Variants in PIAS1 observed in about 807,000 individuals in gnomAD.
PIAS1 encodes the protein E3 SUMO-protein ligase PIAS1.
In PIAS1, 6 loss-of-function variants were observed where a neutral mutation model predicts 71.3. The ratio of observed to expected loss-of-function variants is 0.08; its 90% CI spans 0.05 to 0.17. The LOEUF is 0.17. Ranked by LOEUF, PIAS1 falls within the 10% of genes least tolerant of loss-of-function variation. The probability of loss-of-function intolerance (pLI) is 1.00; values close to 1 mark genes in which losing one functional copy is unlikely to be tolerated. For synonymous variants in PIAS1, 303 were observed against 292.9 expected (o/e 1.03, Z -0.35); for missense variants, 555 against 793.6 (o/e 0.70, Z 3.61).
rs773362750 is a variant in PIAS1 at position 68,181,167 on chromosome 15, G to A, written c.1482-45G>A. 1.9e-6 allele frequency: 3 copies of A among 1,589,380 alleles called. No individual in the cohort carries two copies. The Admixed American group carries it at 5.2e-5, about 28-fold the overall frequency. On this transcript the variant is annotated intron_variant, in intron 11 of 13. Coordinates refer to ENST00000249636, the MANE Select transcript of PIAS1 (RefSeq NM_016166.3). ...ACCCCTTTTTTTGTTAACCTTGAGA[G>A]TTTAACTGGCTAATGAAAACTATGC...
rs895280085 is a variant in PIAS1 at position 68,186,284 on chromosome 15, G to A, written c.1663-1258G>A. ...ACATCGATGACCCTGACCTCCCTGT[G>A]TAGGCCTAGGCTAATGTGTTGTGTG... On this transcript the variant is annotated intron_variant, in intron 13 of 13. Transcript: ENST00000249636. The surrounding 1 kb of genome is among the most constrained non-coding windows in gnomAD (Gnocchi z 4.4). Among the ~76,000 whole-genome samples, 6 of 152,278 alleles carry A rather than the reference G, an allele frequency of 3.9e-5. No individual in the cohort carries two copies. Among genetic ancestry groups the A allele is most frequent in the African/African-American group, 1.2e-4 (5 of 41,552 alleles).
In PIAS1 at chr15:68,086,811, TTTAC is replaced by T; in HGVS notation, c.469+64_469+67del. 1 of 993,946 alleles carries T rather than the reference TTTAC, an allele frequency of 1.0e-6. No individual in the cohort carries two copies. Among genetic ancestry groups the T allele is most frequent in the South Asian group, 1.6e-5 (1 of 64,502 alleles). 61.6% of individuals were successfully genotyped at this position (993,946 alleles called of 1,614,324 possible). On this transcript the variant is annotated intron_variant, in intron 2 of 13. Coordinates refer to ENST00000249636, the MANE Select transcript of PIAS1 (RefSeq NM_016166.3). This position sits in a 1 kb window ranked among gnomAD's most constrained non-coding sequence, Gnocchi z 7.2. ...GCAGGATGAATTTTCGTTTTAGGCT[TTTAC>T]TTTGACCCAGTTTATTATTCATAAT...
chr15:68,125,282 T>A (rs2092642796), intron 2 of PIAS1, among the ~76,000 whole-genome samples: 2 of 152,204 alleles, frequency 1.3e-5, no homozygotes. Flanking sequence ...GTCAATTTCA[T>A]GTTCTATGAG....
chr15:68,181,792 C>T (rs1197633004), intron 12 of PIAS1: 1 of 158,282 alleles, frequency 6.3e-6, no homozygotes, highest in Non-Finnish European at 1.4e-5. Context: ...TCTCCTGCCT[C>T]AGCTTCCCGA....
At chr15:68,122,373 C>T (rs2092620319) in intron 2 of PIAS1, among the ~76,000 whole-genome samples, 1 of 152,088 alleles carries the variant, frequency 6.6e-6, no homozygotes, top group African/African-American at 2.4e-5. Context: ...CTATAGTTCT[C>T]AAGGGAGTTA....
intron 1 of PIAS1, among the ~76,000 whole-genome samples, chr15:68,080,874 C>G (rs2092222544): frequency 6.6e-6 from 1 of 152,162 alleles, no homozygotes; most frequent in African/African-American, 2.4e-5. Flanking sequence ...ATATAGTCTG[C>G]TTAATGACTA....
chr15:68,063,049 A>C (rs528316186), intron 1 of PIAS1, among the ~76,000 whole-genome samples: 1 of 152,318 alleles, frequency 6.6e-6, no homozygotes, highest in African/African-American at 2.4e-5. Context: ...AATAATTGCC[A>C]CATTTAATGT....
chr15:68,170,454 C>T (rs2092984378), intron 8 of PIAS1, among the ~76,000 whole-genome samples: 1 of 152,058 alleles, frequency 6.6e-6, no homozygotes, highest in Admixed American at 6.5e-5. Flanking sequence ...AATGGTACAC[C>T]TGTATGGGGC....
chr15:68,128,490 A>G (rs1284565856), intron 2 of PIAS1, among the ~76,000 whole-genome samples: 4 of 152,196 alleles, frequency 2.6e-5, no homozygotes, highest in African/African-American at 9.7e-5. Context: ...GGATCTCACA[A>G]TTAGTGGGAT....
intron 7 of PIAS1, among the ~76,000 whole-genome samples, chr15:68,163,295 A>C (rs1400617457): frequency 6.6e-6 from 1 of 152,272 alleles, no homozygotes; most frequent in Non-Finnish European, 1.5e-5. Flanking sequence ...TATGGTATTC[A>C]TTAGCATAGT....
At chr15:68,115,963 T>A (rs2092561667) in intron 2 of PIAS1, among the ~76,000 whole-genome samples, 1 of 152,192 alleles carries the variant, frequency 6.6e-6, no homozygotes. Context: ...GCATTTATGT[T>A]CATGACAGGT....
intron 1 of PIAS1, chr15:68,061,274 A>G (rs569798313): frequency 1.3e-5 from 2 of 152,358 alleles, no homozygotes; most frequent in Admixed American, 1.3e-4. Flanking sequence ...TTTAACCATC[A>G]ATTTCAGAAG....
chr15:68,135,393 C>T (rs1305942581), intron 2 of PIAS1, among the ~76,000 whole-genome samples: 2 of 42,918 alleles, frequency 4.7e-5, no homozygotes, highest in Non-Finnish European at 8.5e-5. Flanking sequence ...CCCTCCCAGA[C>T]GGGGCGGCTG....
intron 1 of PIAS1, among the ~76,000 whole-genome samples, chr15:68,078,855 A>G (rs367827048): frequency 2.0e-5 from 3 of 152,190 alleles, no homozygotes; most frequent in Non-Finnish European, 4.4e-5. Context: ...TAGTCTGTCA[A>G]CCCATGTAAA....
chr15:68,165,032 G>C (rs1412665483), intron 8 of PIAS1, among the ~76,000 whole-genome samples: 1 of 152,162 alleles, frequency 6.6e-6, no homozygotes, highest in African/African-American at 2.4e-5. Context: ...TGTGATTAAT[G>C]ACCATCTCTC....
Position 68,186,476 on chromosome 15 carries a change from A to T in PIAS1, c.1663-1066A>T, listed in dbSNP as rs2093088397. ...AGTCAAAGTTTTAAAAAATCAGTTT[A>T]TAAAGTAAAATTAGTTAGCTAATGT... On this transcript the variant is annotated intron_variant, in intron 13 of 13. Coordinates refer to ENST00000249636, the MANE Select transcript of PIAS1 (RefSeq NM_016166.3). The surrounding 1 kb of genome is among the most constrained non-coding windows in gnomAD (Gnocchi z 4.4). 6.6e-6 allele frequency among the ~76,000 whole-genome samples: 1 copy of T among 152,274 alleles called. No homozygotes were observed. The highest frequency in any genetic ancestry group is 1.5e-5 in the Non-Finnish European group (1 of 68,052).
chr15:68,114,170 G>C (rs190344037), intron 2 of PIAS1, among the ~76,000 whole-genome samples: 23 of 151,992 alleles, frequency 1.5e-4, no homozygotes, highest in African/African-American at 5.3e-4. Context: ...AAGTTACAAA[G>C]GAGTCAATTT....
chr15:68,054,486 GC>G lies in PIAS1; in HGVS notation c.24+137del. On this transcript the variant is annotated intron_variant, in intron 1 of 13. Coordinates refer to ENST00000249636, the MANE Select transcript of PIAS1 (RefSeq NM_016166.3). This position sits in a 1 kb window ranked among gnomAD's most constrained non-coding sequence, Gnocchi z 4.6. ...GGCCTGGAGTTGTAGGGAGAGAGGC[GC>G]GCCCGGTCTCAGCAGAGGGGGCCCG... The G allele has an allele frequency of 1.1e-6, 1 of 917,670 alleles. No homozygotes were observed. Among genetic ancestry groups the G allele is most frequent in the Non-Finnish European group, 1.6e-6 (1 of 611,704 alleles). 56.8% of individuals were successfully genotyped at this position (917,670 alleles called of 1,614,324 possible). A position where few individuals can be genotyped will look rare whatever the true frequency, so the allele number is the denominator to read the frequency against.
intron 6 of PIAS1, among the ~76,000 whole-genome samples, chr15:68,151,055 GTATAA>G (rs10562601): frequency 0.023 from 3,484 of 151,444 alleles, 130 homozygotes; most frequent in African/African-American, 0.079. Context: ...AAAACTATCA[GTATAA>G]TATAATATAA....
Sources: gnomAD v4.1 joint callset for allele counts (sites outside exome capture counted in the v4.1 genomes callset) on GRCh38, gnomAD v4.1.1 for gene constraint, Gnocchi (gnomAD v3.1) non-coding constraint, MANE v1.5 for transcripts, NCBI Gene and HGNC (gene_info 2026-07-23, HGNC 2026-07-21) for gene names.